Variants in GOLGA2 observed in about 807,000 individuals in gnomAD.
The protein encoded by GOLGA2 is golgin subfamily A member 2.
A neutral mutation model predicts 148.8 loss-of-function variants in GOLGA2; 49 were observed. That is an observed-to-expected ratio of 0.33 (90% confidence interval 0.26 to 0.42). The LOEUF is 0.42. Among genes scored for constraint, GOLGA2 ranks in the 10% least tolerant of loss-of-function variants. The pLI is 1.00. For synonymous variants in GOLGA2, 501 were observed against 511.8 expected (o/e 0.98, Z 0.28); for missense variants, 1,178 against 1,304.6 (o/e 0.90, Z 1.49).
rs749966557 is a variant in GOLGA2, at chr9:128,258,455, C to T, written c.2289G>A (p.Met763Ile). 1 of 1,612,858 alleles carries T rather than the reference C, an allele frequency of 6.2e-7. No individual in the cohort carries two copies. Among genetic ancestry groups the T allele is most frequent in the Non-Finnish European group, 8.5e-7 (1 of 1,179,250 alleles). ...IPEDLESREA[M>I]VAFFNSAVAS... ...GTTGGGGAGGGGGAGTCAGCCTCAC[C>T]ATGGCTTCCCGGCTCTCCAGGTCCT... The change falls in exon 22 of 27, where the codon ATG (methionine) becomes ATA (isoleucine). Residue 763 changes from methionine to isoleucine, a missense_variant and splice_region_variant. Physicochemically the swap from Met to Ile is conservative, Grantham distance 10. Coordinates refer to ENST00000611957, the MANE Select transcript of GOLGA2 (RefSeq NM_001366244.2). The surrounding 1 kb of genome is among the most constrained non-coding windows in gnomAD (Gnocchi z 6.6).
chr9:128,272,984 A>T (rs1831054601), intron 2 of GOLGA2, 119 bp from the exon 3 acceptor site: 1 of 371,822 alleles, frequency 2.7e-6, no homozygotes, highest in African/African-American at 2.1e-5. Context: ...AAATAAGAAG[A>T]GTGGAGGAGA....
rs1260652916 is a variant in GOLGA2 at position 128,272,663 on chromosome 9, G to A, written c.288+122C>T. 10 of 244,416 alleles carry A rather than the reference G, an allele frequency of 4.1e-5. No homozygotes were observed. In the East Asian group the frequency reaches 1.1e-3, roughly 27 times the overall value. The allele number at this position is 244,416 out of a possible 1,614,324, so 15.1% of individuals were successfully genotyped here. ...GGTGAAGAAGCGGACATAAACAGGC[G>A]GAAGGTTAATGGCAGCAACATAAAA... On this transcript the variant is annotated intron_variant, in intron 3 of 26. Coordinates refer to ENST00000611957, the MANE Select transcript of GOLGA2 (RefSeq NM_001366244.2).
intron 19 of GOLGA2, 56 bp from the exon 20 acceptor site, chr9:128,259,447 C>A: frequency 8.6e-7 from 1 of 1,157,086 alleles, no homozygotes; most frequent in Non-Finnish European, 1.2e-6. Flanking sequence ...AGATTCAGGG[C>A]CCATAAATAG....
In GOLGA2 at chr9:128,255,927, A is replaced by G. The variant is rs1057242554; in HGVS notation, c.*1140T>C. 1.3e-5 allele frequency: 2 copies of G among 152,678 alleles called. No individual in the cohort carries two copies. The highest frequency in any genetic ancestry group is 2.9e-5 in the Non-Finnish European group (2 of 68,060). 9.5% of individuals were successfully genotyped at this position (152,678 alleles called of 1,614,324 possible). A position where few individuals can be genotyped will look rare whatever the true frequency, so the allele number is the denominator to read the frequency against. On this transcript the variant is annotated 3_prime_UTR_variant, in exon 27 of 27. Transcript: ENST00000611957. ...CATCCCCGCCTCCTTCCTCTGTCCT[A>G]TGCTATCAATAAATAAGTTTCCCAG...
intron 6 of GOLGA2, 78 bp downstream of exon 6, chr9:128,267,856 C>G: frequency 1.7e-6 from 2 of 1,176,440 alleles, no homozygotes; most frequent in Non-Finnish European, 2.5e-6. Flanking sequence ...TCTTCCCTCT[C>G]TCTTGTGAAT....
Position 128,261,426 on chromosome 9 carries a change from G to T in GOLGA2, c.1332+28C>A. ...AAGATCAAGTGACCTATCTAAGGTTGAGGGGGAGCTGAAGGGTCAGGTCTC... is the reference window on the plus strand; with the variant it reads ...AAGATCAAGTGACCTATCTAAGGTTTAGGGGGAGCTGAAGGGTCAGGTCTC... On this transcript the variant is annotated intron_variant, in intron 16 of 26. Coordinates refer to ENST00000611957, the MANE Select transcript of GOLGA2 (RefSeq NM_001366244.2). The surrounding 1 kb of genome is among the most constrained non-coding windows in gnomAD (Gnocchi z 5.7). 1 of 1,349,286 alleles carries T rather than the reference G, an allele frequency of 7.4e-7. No individual in the cohort carries two copies. Among genetic ancestry groups the T allele is most frequent in the South Asian group, 1.2e-5 (1 of 85,820 alleles). 83.6% of individuals were successfully genotyped at this position (1,349,286 alleles called of 1,614,324 possible).
At chr9:128,268,552 G>A (rs775928786) in intron 3 of GOLGA2, 28 bp from the exon 4 acceptor site, 17 of 1,247,180 alleles carry the variant, frequency 1.4e-5, no homozygotes, top group Middle Eastern at 1.8e-4. Context: ...AGGGGGTTAG[G>A]GGGCCATGCG....
chr9:128,260,647 C>G lies in GOLGA2; in HGVS notation c.1576G>C (p.Glu526Gln), dbSNP rs1830210346. ...DNEGLSRLNR[E>Q]QEERLLELER... is the part of the protein sequence containing the mutation. ...AGCTCCAGCAGCCTCTCCTCCTGCT[C>G]CCGGTTCAGGCGACTCAAGCCCTCA... Residue 526 changes from glutamate (E) to glutamine (Q), a missense_variant, in exon 18 of 27, where the codon GAG becomes CAG. Around this residue, in one of 5 missense-constraint regions of GOLGA2, gnomAD observed 529 missense variants for 521.8 expected, o/e 1.01. Transcript: ENST00000611957. This position sits in a 1 kb window ranked among gnomAD's most constrained non-coding sequence, Gnocchi z 4.8. 6.2e-7 allele frequency: 1 copy of G among 1,612,356 alleles called. No homozygotes were observed. The highest frequency in any genetic ancestry group is 2.2e-5 in the East Asian group (1 of 44,888).
In GOLGA2 at chr9:128,267,173, G is replaced by A. The variant is rs367976677; in HGVS notation, c.642+21C>T. The A allele has an allele frequency of 3.9e-5, 55 of 1,417,600 alleles. No individual in the cohort carries two copies. In the African/African-American group the frequency reaches 5.6e-4, roughly 15 times the overall value. 87.8% of individuals were successfully genotyped at this position (1,417,600 alleles called of 1,614,324 possible). On this transcript the variant is annotated intron_variant, in intron 8 of 26. Transcript: ENST00000611957. ...CCCAGGATTAGCAGCATGGAATCAG[G>A]GGACCCCACTGGACTCTTACCAATT...
chr9:128,257,301 G>C lies in GOLGA2; in HGVS notation c.2876-20C>G. ...AAAGATCTTTGGAGAGAGAGAGGCA[G>C]GGCTCTGAGTGCCACGCGAGCCCTC... On this transcript the variant is annotated intron_variant, in intron 26 of 26. Coordinates refer to ENST00000611957, the MANE Select transcript of GOLGA2 (RefSeq NM_001366244.2). The surrounding 1 kb of genome is among the most constrained non-coding windows in gnomAD (Gnocchi z 8.0). 6.2e-7 allele frequency: 1 copy of C among 1,612,528 alleles called. No individual in the cohort carries two copies. Among genetic ancestry groups the C allele is most frequent in the Non-Finnish European group, 8.5e-7 (1 of 1,179,522 alleles).
chr9:128,272,040 TAA>T (rs145810838), intron 3 of GOLGA2, among the ~76,000 whole-genome samples: 20 of 139,366 alleles, frequency 1.4e-4, no homozygotes, highest in Admixed American at 1.4e-4. Context: ...TGAATTAATT[TAA>T]AAAAAAAAAA....
intron 5 of GOLGA2, 36 bp from the exon 6 acceptor site, chr9:128,268,033 G>A (rs762031415): frequency 1.2e-6 from 2 of 1,605,806 alleles, no homozygotes; most frequent in East Asian, 4.5e-5. Flanking sequence ...GGGTGCAGGT[G>A]GCTCAATGGG....
intron 2 of GOLGA2, 31 bp from the exon 3 acceptor site, chr9:128,272,896 CA>C (rs745317162): frequency 5.1e-6 from 5 of 984,792 alleles, no homozygotes; most frequent in Middle Eastern, 8.1e-4. Context: ...AAAACAAGGG[CA>C]GGGGGAGAAA....
chr9:128,263,866 G>A lies in GOLGA2; in HGVS notation c.934-774C>T, dbSNP rs537973626. Among the ~76,000 whole-genome samples the A allele has an allele frequency of 5.9e-5, 9 of 151,612 alleles. No homozygotes were observed. The East Asian group carries it at 1.6e-3, about 27-fold the overall frequency. ...GTCTCATTTGTTTTTAAAAAAACTTGGTAAGGGTGGCCGGGTGCGGTGGCT... is the reference window on the plus strand; with the variant it reads ...GTCTCATTTGTTTTTAAAAAAACTTAGTAAGGGTGGCCGGGTGCGGTGGCT... On this transcript the variant is annotated intron_variant, in intron 12 of 26. Transcript: ENST00000611957.
Position 128,258,213 on chromosome 9 carries a change from G to T in GOLGA2, c.2290-15C>A. On this transcript the variant is annotated splice_polypyrimidine_tract_variant and intron_variant, in intron 22 of 26. Coordinates refer to ENST00000611957, the MANE Select transcript of GOLGA2 (RefSeq NM_001366244.2). This position sits in a 1 kb window ranked among gnomAD's most constrained non-coding sequence, Gnocchi z 6.6. ...AAAAATGCCACCTGCAGGCAAGAGG[G>T]GTGCATTCTTGTAGGAGGATATATA... 6.4e-7 allele frequency: 1 copy of T among 1,561,254 alleles called. No individual in the cohort carries two copies. The highest frequency in any genetic ancestry group is 8.7e-7 in the Non-Finnish European group (1 of 1,150,846).
chr9:128,260,979 C>T lies in GOLGA2; in HGVS notation c.1421-177G>A, dbSNP rs577283887. On this transcript the variant is annotated intron_variant, in intron 17 of 26. Coordinates refer to ENST00000611957, the MANE Select transcript of GOLGA2 (RefSeq NM_001366244.2). The surrounding 1 kb of genome is among the most constrained non-coding windows in gnomAD (Gnocchi z 4.8). Reference sequence around the variant, plus strand: ...AGCGACAACTGTGGGTGGCTGACAACGGGCACTCCTTCGTCTTTGCTGATG... The same window carrying T: ...AGCGACAACTGTGGGTGGCTGACAATGGGCACTCCTTCGTCTTTGCTGATG... 6.5e-5 allele frequency: 43 copies of T among 660,174 alleles called. No homozygotes were observed. The highest frequency in any genetic ancestry group is 1.0e-4 in the Non-Finnish European group (38 of 375,746). 40.9% of individuals were successfully genotyped at this position (660,174 alleles called of 1,614,324 possible). A position where few individuals can be genotyped will look rare whatever the true frequency, so the allele number is the denominator to read the frequency against.
In GOLGA2 at chr9:128,268,592, G is replaced by C. The variant is rs1830746401; in HGVS notation, c.289-68C>G. The C allele has an allele frequency of 1.5e-5, 12 of 817,994 alleles. No individual in the cohort carries two copies. In the South Asian group the frequency reaches 1.7e-4, roughly 12 times the overall value. 50.7% of individuals were successfully genotyped at this position (817,994 alleles called of 1,614,324 possible). ...AGGTGCCTCAGTACTATGAACACAA[G>C]GGTGTGGAACAGGTAGGACAGGTGT... On this transcript the variant is annotated intron_variant, in intron 3 of 26. Transcript: ENST00000611957.
intron 12 of GOLGA2, among the ~76,000 whole-genome samples, chr9:128,263,925 G>C (rs1588484021): frequency 6.7e-6 from 1 of 150,332 alleles, no homozygotes; most frequent in East Asian, 2.1e-4. Context: ...GGGAGGCCGA[G>C]GGGGACGGAT....
In GOLGA2 at chr9:128,257,492, G is replaced by A. The variant is rs147923606; in HGVS notation, c.2752C>T (p.Arg918Trp). ...CACTCGTTGCGGTCGCCCACAAGCCGTAAGACCAGCTCCTGCAGCTCCAGC... is the reference window on the plus strand; with the variant it reads ...CACTCGTTGCGGTCGCCCACAAGCCATAAGACCAGCTCCTGCAGCTCCAGC... ...KLLELQELVL[R>W]LVGDRNEWHG... Residue 918 changes from arginine to tryptophan, a missense_variant, in exon 26 of 27, where the codon CGG becomes TGG. Arg to Trp is a moderately radical substitution (Grantham distance 101). Transcript: ENST00000611957. This position sits in a 1 kb window ranked among gnomAD's most constrained non-coding sequence, Gnocchi z 8.0. 481 of 1,613,852 alleles carry A rather than the reference G, an allele frequency of 3.0e-4. 1 individual carries two copies. Among genetic ancestry groups the A allele is most frequent in the East Asian group, 1.0e-3 (45 of 44,882 alleles).
Sources: gnomAD v4.1 joint callset for allele counts (sites outside exome capture counted in the v4.1 genomes callset) on GRCh38, gnomAD v4.1.1 for gene constraint, gnomAD v4.1.1 regional missense constraint, Gnocchi (gnomAD v3.1) non-coding constraint, MANE v1.5 for transcripts, NCBI Gene and HGNC (gene_info 2026-07-23, HGNC 2026-07-21) for gene names.